ARMC1: variants seen among roughly 807,000 people sequenced by gnomAD.
The protein encoded by ARMC1 is armadillo repeat-containing protein 1.
In ARMC1, 16 loss-of-function variants were observed where a neutral mutation model predicts 31.4. The ratio of observed to expected loss-of-function variants is 0.51; its 90% CI spans 0.34 to 0.77. The LOEUF is 0.77. Among genes scored for constraint, ARMC1 ranks in the 30% least tolerant of loss-of-function variants. The pLI is 0.01. For missense variants in ARMC1, 259 were observed against 347.5 expected, an observed-to-expected ratio of 0.75 and a Z score of 2.02; for synonymous variants, 114 against 118.9, an observed-to-expected ratio of 0.96 and a Z score of 0.27.
intron 4 of ARMC1, among the ~76,000 whole-genome samples, chr8:65,607,840 A>T (rs901787617): frequency 6.6e-6 from 1 of 151,884 alleles, no homozygotes. Context: ...AAGACCTTTA[A>T]TTTTTTTTAT....
At chr8:65,623,732 T>TA (rs71245497) in intron 2 of ARMC1, among the ~76,000 whole-genome samples, 94,637 of 149,106 alleles carry the variant, frequency 0.63, 30,254 homozygotes, top group African/African-American at 0.69. Context: ...GAACAAGAAT[T>TA]ACGGCAGTTT....
At chr8:65,609,449 C>G (rs948783212) in intron 4 of ARMC1, among the ~76,000 whole-genome samples, 1 of 152,178 alleles carries the variant, frequency 6.6e-6, no homozygotes, top group Non-Finnish European at 1.5e-5. Flanking sequence ...TAGAAATTGC[C>G]TTGTGACCCC....
At chr8:65,623,586 C>T (rs970277686) in intron 2 of ARMC1, among the ~76,000 whole-genome samples, 2 of 151,824 alleles carry the variant, frequency 1.3e-5, no homozygotes, top group South Asian at 2.1e-4. Context: ...CCAGCCTGGG[C>T]GACAGAGCAA....
intron 2 of ARMC1, among the ~76,000 whole-genome samples, chr8:65,626,727 G>C (rs943898622): frequency 6.6e-6 from 1 of 152,032 alleles, no homozygotes; most frequent in African/African-American, 2.4e-5. Flanking sequence ...TTGTATAAAA[G>C]AATAAAAACA....
rs1347926957 is a variant in ARMC1 at position 65,634,058 on chromosome 8, G to C, written c.-96C>G. 1 of 152,514 alleles carries C rather than the reference G, an allele frequency of 6.6e-6. No homozygotes were observed. The highest frequency in any genetic ancestry group is 1.5e-5 in the Non-Finnish European group (1 of 68,160). The allele number at this position is 152,514 out of a possible 1,614,324, so 9.4% of individuals were successfully genotyped here. A position where few individuals can be genotyped will look rare whatever the true frequency, so the allele number is the denominator to read the frequency against. On this transcript the variant is annotated 5_prime_UTR_variant, in exon 1 of 7. Coordinates refer to ENST00000276569, the MANE Select transcript of ARMC1 (RefSeq NM_018120.6). The stretch of plus-strand genomic sequence containing the variant: ...CCATCAGGGCCACACCTACGGATGA[G>C]GTAGAGACCCAGGCGGCGCGGAGCG...
chr8:65,610,379 G>C (rs1808108410), intron 4 of ARMC1, among the ~76,000 whole-genome samples: 1 of 152,016 alleles, frequency 6.6e-6, no homozygotes, highest in South Asian at 2.1e-4. Flanking sequence ...TTATAGGCGT[G>C]ACCCACTGTG....
At chr8:65,611,808 C>CT (rs748544871) in intron 4 of ARMC1, among the ~76,000 whole-genome samples, 3 of 150,742 alleles carry the variant, frequency 2.0e-5, no homozygotes, top group Non-Finnish European at 2.9e-5. Flanking sequence ...GAGTCTCACT[C>CT]TGTCACTCAG....
chr8:65,630,121 G>A (rs959327925), intron 1 of ARMC1, among the ~76,000 whole-genome samples: 1 of 152,112 alleles, frequency 6.6e-6, no homozygotes, highest in Non-Finnish European at 1.5e-5. Flanking sequence ...CTCCAGCCTG[G>A]GTGACAGAGC....
At chr8:65,623,890 C>T (rs1190995967) in intron 2 of ARMC1, among the ~76,000 whole-genome samples, 4 of 148,094 alleles carry the variant, frequency 2.7e-5, no homozygotes, top group African/African-American at 5.0e-5. Flanking sequence ...CTCCACCCCC[C>T]GAGTTCAAGC....
At chr8:65,605,139 T>C (rs1026281781) in intron 6 of ARMC1, 124 bp downstream of exon 6, 15 of 777,968 alleles carry the variant, frequency 1.9e-5, no homozygotes, top group Non-Finnish European at 2.6e-5. Flanking sequence ...AGTTAACTGT[T>C]AACCAAGAAA....
intron 4 of ARMC1, among the ~76,000 whole-genome samples, chr8:65,609,924 G>C (rs1585704285): frequency 6.7e-6 from 1 of 148,410 alleles, no homozygotes; most frequent in East Asian, 1.9e-4. Flanking sequence ...AACCTACCTG[G>C]CATTGCTAAA....
intron 1 of ARMC1, among the ~76,000 whole-genome samples, chr8:65,629,282 T>C (rs909505327): frequency 6.6e-6 from 1 of 152,078 alleles, no homozygotes; most frequent in African/African-American, 2.4e-5. Context: ...CTGGAGAACA[T>C]TGTGCTAAAT....
intron 4 of ARMC1, among the ~76,000 whole-genome samples, chr8:65,607,764 A>C (rs928068043): frequency 6.6e-6 from 1 of 152,218 alleles, no homozygotes; most frequent in East Asian, 1.9e-4. Context: ...AGGAAGAACT[A>C]ACATCCTTAC....
chr8:65,604,570 G>A lies in ARMC1; in HGVS notation c.673C>T (p.Gln225Ter). ...ESGEEMLVPF[Q>*]DTPVEVEQNT... ...TGTTCAACTTCCACAGGAGTATCTTGGAATGGGACCAACATCTGATACAGA... is the reference window on the plus strand; with the variant it reads ...TGTTCAACTTCCACAGGAGTATCTTAGAATGGGACCAACATCTGATACAGA... Residue 225 changes from glutamine (Q) to a stop codon, truncating the protein, a stop_gained, in exon 7 of 7, where the codon CAA becomes TAA. Transcript: ENST00000276569. LOFTEE classifies it high-confidence loss of function. The A allele has an allele frequency of 1.9e-6, 3 of 1,613,158 alleles. No individual in the cohort carries two copies. The highest frequency in any genetic ancestry group is 2.5e-6 in the Non-Finnish European group (3 of 1,179,750).
intron 3 of ARMC1, 48 bp from the exon 4 acceptor site, chr8:65,613,481 C>T (rs1031016049): frequency 6.8e-6 from 9 of 1,328,868 alleles, no homozygotes; most frequent in Non-Finnish European, 4.1e-6. Context: ...TCTACTGATT[C>T]TGTAATTTTA....
intron 3 of ARMC1, among the ~76,000 whole-genome samples, chr8:65,614,790 G>A (rs1230690705): frequency 6.6e-6 from 1 of 152,144 alleles, no homozygotes; most frequent in Non-Finnish European, 1.5e-5. Flanking sequence ...TTAGCTGGAA[G>A]AGCTTCACCC....
In ARMC1 at chr8:65,602,820, C is replaced by CTTTTTTTTTT. The variant is rs557383084; in HGVS notation, c.*1573_*1574insAAAAAAAAAA. ...ATAGGTGCCCTGAAAGTTATTGTTG[C>CTTTTTTTTTT]TTTTTTTGTTTTTTTTTTTTCAGTT... On this transcript the variant is annotated 3_prime_UTR_variant, in exon 7 of 7. Coordinates refer to ENST00000276569, the MANE Select transcript of ARMC1 (RefSeq NM_018120.6). 2 of 137,512 alleles carry CTTTTTTTTTT rather than the reference C, an allele frequency of 1.5e-5. No individual in the cohort carries two copies. The highest frequency in any genetic ancestry group is 2.6e-5 in the African/African-American group (1 of 38,700). 8.5% of individuals were successfully genotyped at this position (137,512 alleles called of 1,614,324 possible).
chr8:65,630,236 A>T (rs1808613263), intron 1 of ARMC1, among the ~76,000 whole-genome samples: 1 of 152,226 alleles, frequency 6.6e-6, no homozygotes, highest in East Asian at 1.9e-4. Context: ...AACTAGCTTG[A>T]TTTAATTGCT....
chr8:65,620,867 C>A (rs1018663389), intron 3 of ARMC1, among the ~76,000 whole-genome samples: 2 of 151,046 alleles, frequency 1.3e-5, no homozygotes, highest in Non-Finnish European at 2.9e-5. Flanking sequence ...CTTTGGGAGG[C>A]TGAGGCAGAA....
Sources: gnomAD v4.1 joint callset for allele counts (sites outside exome capture counted in the v4.1 genomes callset) on GRCh38, gnomAD v4.1.1 for gene constraint, MANE v1.5 for transcripts, NCBI Gene and HGNC (gene_info 2026-07-23, HGNC 2026-07-21) for gene names.